Variants in ZFHX3 observed in about 807,000 individuals in gnomAD.
ZFHX3 encodes the protein zinc finger homeobox protein 3.
A neutral mutation model predicts 279.1 loss-of-function variants in ZFHX3; 42 were observed. The ratio of observed to expected loss-of-function variants is 0.15; its 90% confidence interval spans 0.12 to 0.19. The LOEUF is 0.19. ZFHX3 is among the 10% of genes least tolerant of loss of function. ZFHX3 has a pLI of 1.00. For missense variants in ZFHX3, 4,981 were observed against 4,754.0 expected (o/e 1.05, Z -1.40); for synonymous variants, 2,293 against 1,957.8 (o/e 1.17, Z -4.52).
intron 4 of ZFHX3, among the ~76,000 whole-genome samples, chr16:73,287,810 G>T (rs867009316): frequency 6.6e-6 from 1 of 150,552 alleles, no homozygotes; most frequent in African/African-American, 2.4e-5. Flanking sequence ...GTGTGTGGCT[G>T]TGTGGGTCAG....
intron 7 of ZFHX3, among the ~76,000 whole-genome samples, chr16:73,105,398 T>C (rs1175086060): frequency 4.9e-5 from 6 of 122,126 alleles, no homozygotes; most frequent in South Asian, 4.9e-4. Context: ...CACACACATA[T>C]ATATATATAT....
At chr16:73,354,251 T>C (rs1270635126) in intron 3 of ZFHX3, among the ~76,000 whole-genome samples, 11 of 152,252 alleles carry the variant, frequency 7.2e-5, no homozygotes. Flanking sequence ...ATATTTCATC[T>C]GGCATCCCTA....
At chr16:73,604,895 G>A (rs2052162021) in intron 2 of ZFHX3, among the ~76,000 whole-genome samples, 1 of 152,074 alleles carries the variant, frequency 6.6e-6, no homozygotes, top group Admixed American at 6.6e-5. Context: ...CTCTACTGGG[G>A]TAGACTGAGG....
chr16:73,509,107 C>T (rs1354243480), intron 2 of ZFHX3, among the ~76,000 whole-genome samples: 5 of 152,204 alleles, frequency 3.3e-5, no homozygotes, highest in Non-Finnish European at 7.3e-5. Flanking sequence ...TTTGGCATAG[C>T]TCCTTTGTCT....
intron 1 of ZFHX3, among the ~76,000 whole-genome samples, chr16:73,832,916 A>G (rs557047275): frequency 1.3e-5 from 2 of 152,206 alleles, no homozygotes; most frequent in Non-Finnish European, 2.9e-5. Flanking sequence ...TTTTGAAATC[A>G]TGAGGCAGGC....
At chr16:73,049,392 G>A (rs975219728), upstream of ZFHX3, among the ~76,000 whole-genome samples, 3 of 152,230 alleles carry the variant, frequency 2.0e-5, no homozygotes, top group African/African-American at 7.2e-5. Flanking sequence ...AGAGCAGTAT[G>A]TATGGAATTG....
At chr16:73,444,065 G>A (rs916711902) in intron 3 of ZFHX3, among the ~76,000 whole-genome samples, 2 of 152,072 alleles carry the variant, frequency 1.3e-5, no homozygotes, top group Non-Finnish European at 2.9e-5. Flanking sequence ...CAAGTCCTTC[G>A]CTTTCTCTTG....
At chr16:73,464,752 C>T (rs2018535051) in intron 2 of ZFHX3, among the ~76,000 whole-genome samples, 1 of 152,216 alleles carries the variant, frequency 6.6e-6, no homozygotes, top group African/African-American at 2.4e-5. Context: ...TGTGCTGGGG[C>T]TCGGTCACGC....
intron 4 of ZFHX3, among the ~76,000 whole-genome samples, chr16:72,879,905 G>A (rs549112211): frequency 3.9e-5 from 6 of 152,342 alleles, no homozygotes; most frequent in South Asian, 4.1e-4. Context: ...AGAAGGTTTC[G>A]GTGAGGGCTG....
chr16:73,541,699 G>A (rs1049649166), intron 2 of ZFHX3, among the ~76,000 whole-genome samples: 3 of 151,154 alleles, frequency 2.0e-5, no homozygotes, highest in Admixed American at 6.6e-5. Flanking sequence ...GAGGCGGCTC[G>A]CGAGGCAAAT....
chr16:72,998,996 T>G (rs940858872), intron 1 of ZFHX3, among the ~76,000 whole-genome samples: 4 of 152,216 alleles, frequency 2.6e-5, no homozygotes, highest in African/African-American at 9.6e-5. Context: ...TGGTTAACTC[T>G]GTAGTAGCCA....
intron 2 of ZFHX3, among the ~76,000 whole-genome samples, chr16:73,616,952 C>T (rs1321696383): frequency 6.6e-6 from 1 of 152,172 alleles, no homozygotes; most frequent in Non-Finnish European, 1.5e-5. Context: ...TGTCACTTCT[C>T]TATAACGGAT....
At chr16:73,261,932 C>A (rs2013839284) in intron 4 of ZFHX3, among the ~76,000 whole-genome samples, 1 of 152,106 alleles carries the variant, frequency 6.6e-6, no homozygotes, top group Admixed American at 6.5e-5. Context: ...ACCTTGGTCT[C>A]CCAAAGTGCT....
intron 5 of ZFHX3, among the ~76,000 whole-genome samples, chr16:73,168,252 T>TTTCTTTCC (rs1053504953): frequency 6.7e-6 from 1 of 148,910 alleles, no homozygotes; most frequent in South Asian, 2.2e-4. Context: ...TCTTTCTTTC[T>TTTCTTTCC]TTCTTTCTTT....
At chr16:72,942,498 G>T (rs577476996) in intron 3 of ZFHX3, among the ~76,000 whole-genome samples, 1 of 152,038 alleles carries the variant, frequency 6.6e-6, no homozygotes, top group Non-Finnish European at 1.5e-5. Flanking sequence ...ATAGAGAATC[G>T]GGGGGATTCG....
At chr16:72,863,181 T>C (rs1212341605) in intron 4 of ZFHX3, among the ~76,000 whole-genome samples, 1 of 151,630 alleles carries the variant, frequency 6.6e-6, no homozygotes. Context: ...TTTTTAGGGG[T>C]CTGATATTGC....
At chr16:73,349,512 C>A (rs2016184743) in intron 3 of ZFHX3, among the ~76,000 whole-genome samples, 1 of 152,094 alleles carries the variant, frequency 6.6e-6, no homozygotes, top group Non-Finnish European at 1.5e-5. Context: ...TTTTCACAAT[C>A]ATTTCAAGAG....
intron 1 of ZFHX3, among the ~76,000 whole-genome samples, chr16:73,748,404 A>G (rs2053723799): frequency 6.6e-6 from 1 of 152,202 alleles, no homozygotes. Context: ...TTAGTCCACA[A>G]TATCATGTAA....
chr16:72,817,502 C>T (rs1051475727), intron 5 of ZFHX3, among the ~76,000 whole-genome samples: 3 of 152,320 alleles, frequency 2.0e-5, no homozygotes, highest in African/African-American at 7.2e-5. Context: ...ACTTGCCCTC[C>T]AAGAAAACCA....
Sources: allele counts gnomAD v4.1 joint callset (sites outside exome capture counted in the v4.1 genomes callset), GRCh38; gene constraint gnomAD v4.1.1; transcripts MANE v1.5; gene names NCBI Gene and HGNC (gene_info 2026-07-23, HGNC 2026-07-21).